CTNNA3: variants seen among roughly 807,000 people sequenced by gnomAD.
The protein encoded by CTNNA3 is catenin alpha-3.
A neutral mutation model predicts 95.7 loss-of-function variants in CTNNA3; 76 were observed. The observed-to-expected ratio is 0.79, with a 90% CI of 0.66 to 0.96. The LOEUF is 0.96. Ranked by LOEUF, CTNNA3 falls within the 40% of genes least tolerant of loss-of-function variation. The pLI, the probability that CTNNA3 is intolerant of heterozygous loss-of-function variation, is 0.00. For missense variants in CTNNA3, 1,191 were observed against 1,089.8 expected, an observed-to-expected ratio of 1.09 and a Z score of -1.31; for synonymous variants, 431 against 374.4, an observed-to-expected ratio of 1.15 and a Z score of -1.74.
Position 66,421,897 on chromosome 10 carries a change from G to GATGTGTATATATATATAT in CTNNA3, c.1532-42546_1532-42545insATATATATATATACACAT. Among the ~76,000 whole-genome samples the GATGTGTATATATATATAT allele has an allele frequency of 1.7e-4, 18 of 108,156 alleles. 1 individual carries two copies. The highest frequency in any genetic ancestry group is 6.8e-4 in the Admixed American group (7 of 10,348). 71.0% of individuals were successfully genotyped at this position (108,156 alleles called of 152,430 possible). A position where few individuals can be genotyped will look rare whatever the true frequency, so the allele number is the denominator to read the frequency against. ...TTTCTAAGAGCTTCATAATAAATGT[G>GATGTGTATATATATATAT]ATATATATATATATATATACACACA... On this transcript the variant is annotated intron_variant, in intron 11 of 17. Coordinates refer to ENST00000433211, the MANE Select transcript of CTNNA3 (RefSeq NM_013266.4).
At chr10:66,035,720 A>G (rs536156746) in intron 15 of CTNNA3, among the ~76,000 whole-genome samples, 1 of 152,260 alleles carries the variant, frequency 6.6e-6, no homozygotes, top group East Asian at 1.9e-4. Context: ...ATTTGAGGGT[A>G]GTGACCATGT....
At chr10:67,236,583 G>T (rs936742694) in intron 5 of CTNNA3, among the ~76,000 whole-genome samples, 16 of 151,746 alleles carry the variant, frequency 1.1e-4, no homozygotes, top group African/African-American at 3.6e-4. Flanking sequence ...AGTGGGTGTG[G>T]CGCGCCAACA....
intron 5 of CTNNA3, among the ~76,000 whole-genome samples, chr10:67,304,152 C>T (rs550486778): frequency 8.9e-4 from 135 of 152,124 alleles, no homozygotes; most frequent in Admixed American, 1.9e-3. Flanking sequence ...GGTCTGCATC[C>T]CCATTATTGA....
intron 7 of CTNNA3, among the ~76,000 whole-genome samples, chr10:66,777,110 C>T (rs1353633954): frequency 6.6e-6 from 1 of 152,098 alleles, no homozygotes; most frequent in Admixed American, 6.6e-5. Flanking sequence ...AAACTCAGGT[C>T]AACCTATATT....
At chr10:66,950,375 C>G (rs974527797) in intron 7 of CTNNA3, among the ~76,000 whole-genome samples, 26 of 151,696 alleles carry the variant, frequency 1.7e-4, no homozygotes, top group Admixed American at 9.2e-4. Flanking sequence ...TTTTTGTATC[C>G]TAAACATGCT....
intron 7 of CTNNA3, among the ~76,000 whole-genome samples, chr10:67,178,802 A>G (rs1862364654): frequency 6.6e-6 from 1 of 151,952 alleles, no homozygotes; most frequent in Non-Finnish European, 1.5e-5. Context: ...ATAAAATATT[A>G]TCTTCTAAGT....
intron 1 of CTNNA3, among the ~76,000 whole-genome samples, chr10:67,675,892 A>G (rs1447418329): frequency 6.6e-6 from 1 of 152,034 alleles, no homozygotes; most frequent in Non-Finnish European, 1.5e-5. Context: ...TCAGTTTTTT[A>G]CTTTATGGCT....
intron 7 of CTNNA3, among the ~76,000 whole-genome samples, chr10:67,169,859 C>G (rs950611276): frequency 6.6e-6 from 1 of 152,120 alleles, no homozygotes; most frequent in African/African-American, 2.4e-5. Context: ...TATTTGCAAA[C>G]TATGCATCTG....
intron 13 of CTNNA3, among the ~76,000 whole-genome samples, chr10:66,103,717 TA>T (rs10712666): frequency 0.18 from 27,640 of 152,048 alleles, 2,735 homozygotes; most frequent in South Asian, 0.35. Context: ...TGCTAGGTGC[TA>T]GGGGAAAGGG....
chr10:67,390,086 T>TA (rs1252118697), intron 5 of CTNNA3, among the ~76,000 whole-genome samples: 7 of 151,838 alleles, frequency 4.6e-5, no homozygotes, highest in Admixed American at 6.6e-5. Flanking sequence ...AATAAAGACA[T>TA]AAAAAACCCT....
chr10:67,487,010 C>T (rs188754817), intron 5 of CTNNA3, among the ~76,000 whole-genome samples: 5 of 152,180 alleles, frequency 3.3e-5, no homozygotes, highest in Non-Finnish European at 7.4e-5. Flanking sequence ...ACCTATCATC[C>T]CAAATGATTA....
intron 10 of CTNNA3, among the ~76,000 whole-genome samples, chr10:66,577,417 AT>A (rs1843041322): frequency 6.6e-6 from 1 of 152,092 alleles, no homozygotes; most frequent in Non-Finnish European, 1.5e-5. Context: ...CATGTCCAGA[AT>A]GGTATTTCCT....
At chr10:66,364,208 C>A (rs2092695936) in intron 12 of CTNNA3, among the ~76,000 whole-genome samples, 1 of 150,228 alleles carries the variant, frequency 6.7e-6, no homozygotes. Flanking sequence ...TAATTTCAAC[C>A]ATTAGAACAA....
chr10:66,816,206 G>T (rs1478524799), intron 7 of CTNNA3, among the ~76,000 whole-genome samples: 1 of 151,896 alleles, frequency 6.6e-6, no homozygotes, highest in East Asian at 1.9e-4. Context: ...TATAGTAAAA[G>T]AAAATTATAA....
At chr10:66,984,413 G>A (rs564994063) in intron 7 of CTNNA3, among the ~76,000 whole-genome samples, 1 of 152,234 alleles carries the variant, frequency 6.6e-6, no homozygotes, top group African/African-American at 2.4e-5. Flanking sequence ...TTCTTGCATA[G>A]AGGAAGCAGA....
At chr10:67,670,189 G>A (rs1338636341) in intron 1 of CTNNA3, among the ~76,000 whole-genome samples, 3 of 152,122 alleles carry the variant, frequency 2.0e-5, no homozygotes, top group African/African-American at 7.2e-5. Context: ...AGTCACTGAG[G>A]CTATATTAGA....
chr10:66,289,871 A>G (rs9804182), intron 12 of CTNNA3, among the ~76,000 whole-genome samples: 91,371 of 151,814 alleles, frequency 0.6, 28,410 homozygotes, highest in African/African-American at 0.76. Flanking sequence ...AAAACAAAAT[A>G]AGCTAAAGTT....
intron 12 of CTNNA3, among the ~76,000 whole-genome samples, chr10:66,349,096 A>G (rs774558002): frequency 1.3e-5 from 2 of 152,090 alleles, no homozygotes; most frequent in Non-Finnish European, 2.9e-5. Flanking sequence ...ACATAAGATT[A>G]TATTTCTTGT....
At chr10:66,999,191 A>C (rs1180062145) in intron 7 of CTNNA3, among the ~76,000 whole-genome samples, 1 of 152,134 alleles carries the variant, frequency 6.6e-6, no homozygotes, top group Non-Finnish European at 1.5e-5. Context: ...ATATTTCATT[A>C]AGACTTCAGT....
Sources: gnomAD v4.1 joint callset for allele counts (sites outside exome capture counted in the v4.1 genomes callset) on GRCh38, gnomAD v4.1.1 for gene constraint, MANE v1.5 for transcripts, NCBI Gene and HGNC (gene_info 2026-07-23, HGNC 2026-07-21) for gene names.